The following HOXD11 variants were observed in gnomAD, a reference collection of about 807,000 sequenced individuals.
HOXD11 encodes homeobox D11, also known as homeobox protein Hox-D11.
Under a neutral mutation model 23.1 loss-of-function variants are expected in HOXD11, and 16 were observed. The ratio of observed to expected loss-of-function variants is 0.69; its 90% confidence interval spans 0.47 to 1.05. The LOEUF is 1.05. Ranked by LOEUF, HOXD11 falls within the 50% of genes least tolerant of loss-of-function variation. HOXD11 has a pLI of 0.00. For synonymous variants in HOXD11, 262 were observed against 224.4 expected, an observed-to-expected ratio of 1.17 and a Z score of -1.50; for missense variants, 564 against 495.6, an observed-to-expected ratio of 1.14 and a Z score of -1.31.
rs868589429 is a variant in HOXD11, at chr2:176,108,000, C to T, written c.645C>T (p.Thr215=). ...EGAADKGDPR[T]GAGGGGGSPC... ...CAGCCGACAAGGGCGACCCCAGGAC[C>T]GGGGCTGGTGGCGGCGGGGGCAGTC... The change falls in exon 1 of 2, where the codon ACC becomes ACT. Residue 215 remains threonine, a synonymous_variant. Transcript: ENST00000249504. 82 of 1,483,462 alleles carry T rather than the reference C, an allele frequency of 5.5e-5. No homozygotes were observed. The highest frequency in any genetic ancestry group is 7.2e-5 in the Non-Finnish European group (81 of 1,122,338). The allele number at this position is 1,483,462 out of a possible 1,614,324, so 91.9% of individuals were successfully genotyped here. A position where few individuals can be genotyped will look rare whatever the true frequency, so the allele number is the denominator to read the frequency against.
downstream of HOXD11, among the ~76,000 whole-genome samples, chr2:176,110,264 C>CT (rs538041247): frequency 7.7e-4 from 118 of 152,322 alleles, no homozygotes; most frequent in African/African-American, 2.6e-3. Context: ...CTTTATGTTG[C>CT]AGGGCCAGGC....
intron 1 of HOXD11, 26 bp from the exon 2 acceptor site, chr2:176,108,881 C>T (rs772150312): frequency 7.7e-6 from 12 of 1,550,676 alleles, no homozygotes; most frequent in African/African-American, 1.4e-5. Flanking sequence ...CGGCCTCTCT[C>T]ACCCCCTGGT....
At chr2:176,113,835 A>G (rs1689710224), downstream of HOXD11, among the ~76,000 whole-genome samples, 2 of 152,190 alleles carry the variant, frequency 1.3e-5, no homozygotes, top group African/African-American at 2.4e-5. Flanking sequence ...ACTCTAACCA[A>G]TAAGGGAGTG....
rs1689595118 is a variant in HOXD11, at chr2:176,107,503, A to C, written c.148A>C (p.Asn50His). The C allele has an allele frequency of 6.2e-7, 1 of 1,613,594 alleles. No homozygotes were observed. Among genetic ancestry groups the C allele is most frequent in the South Asian group, 1.1e-5 (1 of 91,084 alleles). The change falls in exon 1 of 2, where the codon AAC (asparagine) becomes CAC (histidine). Residue 50 changes from asparagine to histidine, a missense_variant. Physicochemically the swap from Asn to His is moderately conservative, Grantham distance 68. Transcript: ENST00000249504. ...CCAGATGACTTTCCCCTACTCTTCC[A>C]ACCTGGCTCCGCACGTCCAGCCCGT... ...SCQMTFPYSS[N>H]LAPHVQPVRE...
rs573590606 is a variant in HOXD11, at chr2:176,108,414, G to A, written c.781+278G>A. ...GGTTGCTAGATACCATGGAGGGAGG[G>A]AGGGAGGGAGATTTCAAGCCAGTGT... is the stretch of plus-strand genomic sequence containing the variant. On this transcript the variant is annotated intron_variant, in intron 1 of 1. Coordinates refer to ENST00000249504, the MANE Select transcript of HOXD11 (RefSeq NM_021192.3). Among the ~76,000 whole-genome samples the A allele has an allele frequency of 3.3e-5, 5 of 150,092 alleles. 1 individual carries two copies. Among genetic ancestry groups the A allele is most frequent in the African/African-American group, 9.7e-5 (4 of 41,066 alleles).
rs1689639371 is a variant in HOXD11 at position 176,109,120 on chromosome 2, T to G, written c.995T>G (p.Phe332Cys). The part of the protein sequence containing the change: ...KKLNRDRLQY[F>C]TGNPLF ...CTGAACAGAGACCGTCTGCAGTATT[T>G]CACTGGAAACCCCTTATTTTGAGAG... The change falls in exon 2 of 2, where the codon TTC becomes TGC. Residue 332 changes from phenylalanine (F) to cysteine (C), a missense_variant. Coordinates refer to ENST00000249504, the MANE Select transcript of HOXD11 (RefSeq NM_021192.3). 1 of 1,612,950 alleles carries G rather than the reference T, an allele frequency of 6.2e-7. No individual in the cohort carries two copies. The highest frequency in any genetic ancestry group is 1.1e-5 in the South Asian group (1 of 91,056).
downstream of HOXD11, among the ~76,000 whole-genome samples, chr2:176,112,002 C>G (rs893850635): frequency 6.6e-6 from 1 of 152,182 alleles, no homozygotes; most frequent in East Asian, 1.9e-4. Context: ...AGCCCGCGGC[C>G]GTGCCTGGAG....
At chr2:176,114,157 G>A (rs1194889875), downstream of HOXD11, among the ~76,000 whole-genome samples, 1 of 152,198 alleles carries the variant, frequency 6.6e-6, no homozygotes, top group Non-Finnish European at 1.5e-5. Context: ...CTAGTGTCAG[G>A]GCGCCTGCGG....
chr2:176,109,181 C>A lies in HOXD11; in HGVS notation c.*39C>A. On this transcript the variant is annotated 3_prime_UTR_variant, in exon 2 of 2. Transcript: ENST00000249504. Reference sequence around the variant, plus strand: ...CGCCCTCACCCCAGCCCCACTCACCCACCCTCCTTCCCACCAGCCTGCTCT... The same window carrying A: ...CGCCCTCACCCCAGCCCCACTCACCAACCCTCCTTCCCACCAGCCTGCTCT... 1.6e-6 allele frequency: 2 copies of A among 1,242,778 alleles called. No homozygotes were observed. The highest frequency in any genetic ancestry group is 2.4e-5 in the South Asian group (2 of 82,396). The allele number at this position is 1,242,778 out of a possible 1,614,324, so 77.0% of individuals were successfully genotyped here.
chr2:176,112,264 G>C (rs188865652), downstream of HOXD11, among the ~76,000 whole-genome samples: 1 of 152,232 alleles, frequency 6.6e-6, no homozygotes. Context: ...CAGTGCATTC[G>C]TTGCGTGCCC....
At position 176,109,166 on chromosome 2, in the gene HOXD11, C is replaced by G. The variant is rs1159316837; in HGVS notation, c.*24C>G. On this transcript the variant is annotated 3_prime_UTR_variant, in exon 2 of 2. Transcript: ENST00000249504. ...GAGAGCTCCAGGAAGCGCCCTCACC[C>G]CAGCCCCACTCACCCACCCTCCTTC... 1 of 1,442,758 alleles carries G rather than the reference C, an allele frequency of 6.9e-7. No individual in the cohort carries two copies. The highest frequency in any genetic ancestry group is 9.8e-7 in the Non-Finnish European group (1 of 1,024,822). 89.4% of individuals were successfully genotyped at this position (1,442,758 alleles called of 1,614,324 possible). A position where few individuals can be genotyped will look rare whatever the true frequency, so the allele number is the denominator to read the frequency against.
downstream of HOXD11, among the ~76,000 whole-genome samples, chr2:176,114,231 T>C (rs937531927): frequency 6.6e-6 from 1 of 152,230 alleles, no homozygotes; most frequent in Non-Finnish European, 1.5e-5. Context: ...TGAAACAAGA[T>C]CTCTACTATG....
chr2:176,113,498 A>G (rs2105391396), downstream of HOXD11, among the ~76,000 whole-genome samples: 1 of 152,350 alleles, frequency 6.6e-6, no homozygotes, highest in South Asian at 2.1e-4. Context: ...TGATCTAAAG[A>G]TGATGGAAAA....
downstream of HOXD11, among the ~76,000 whole-genome samples, chr2:176,114,140 C>T (rs746287220): frequency 3.9e-5 from 6 of 152,364 alleles, no homozygotes; most frequent in African/African-American, 9.6e-5. Context: ...ACTGCTGGAG[C>T]GCCAAGCTAG....
At chr2:176,113,137 G>T (rs1194313104), downstream of HOXD11, among the ~76,000 whole-genome samples, 13 of 152,136 alleles carry the variant, frequency 8.5e-5, no homozygotes, top group African/African-American at 2.9e-4. Flanking sequence ...TGGCTTGGAG[G>T]TGCACAGTGC....
At chr2:176,114,992 A>G in the HOXD11 span, among the ~76,000 whole-genome samples, 1 of 152,250 alleles carries the variant, frequency 6.6e-6, no homozygotes, top group Non-Finnish European at 1.5e-5. Context: ...CCCCTCACTC[A>G]GGGCAAGTCT....
At chr2:176,111,837 A>AC (rs1402258861), downstream of HOXD11, among the ~76,000 whole-genome samples, 14 of 147,806 alleles carry the variant, frequency 9.5e-5, no homozygotes, top group Non-Finnish European at 1.5e-4. Context: ...AAAAAAAAAA[A>AC]AAAAAAAAAA....
downstream of HOXD11, among the ~76,000 whole-genome samples, chr2:176,110,596 T>C (rs990822741): frequency 6.6e-6 from 1 of 152,260 alleles, no homozygotes; most frequent in East Asian, 1.9e-4. Flanking sequence ...AATAAGTGCA[T>C]AAATGTATGC....
downstream of HOXD11, among the ~76,000 whole-genome samples, chr2:176,111,828 A>AAAAAC (rs1689677416): frequency 7.9e-6 from 1 of 126,780 alleles, no homozygotes; most frequent in African/African-American, 2.9e-5. Flanking sequence ...CCCCCCCGCA[A>AAAAAC]AAAAAAAAAA....
Sources: allele counts gnomAD v4.1 joint callset (sites outside exome capture counted in the v4.1 genomes callset), GRCh38; gene constraint gnomAD v4.1.1; transcripts MANE v1.5; gene names NCBI Gene and HGNC (gene_info 2026-07-23, HGNC 2026-07-21).